The following NRM variants were observed in gnomAD, a reference collection of about 807,000 sequenced individuals.
The protein encoded by NRM is nurim, also known as nuclear rim protein.
Under a neutral mutation model 23.4 loss-of-function variants are expected in NRM, and 19 were observed. That is an observed-to-expected ratio of 0.81 (90% CI 0.57 to 1.19). The LOEUF is 1.19. Ranked by LOEUF, NRM falls within the 50% of genes most tolerant of loss-of-function variation. The pLI is 0.00. For missense variants in NRM, 232 were observed against 329.7 expected, an observed-to-expected ratio of 0.70 and a Z score of 2.30; for synonymous variants, 140 against 143.5, an observed-to-expected ratio of 0.98 and a Z score of 0.17.
chr6:30,690,955 A>G lies in NRM; in HGVS notation c.20T>C (p.Leu7Pro), dbSNP rs1198131967. Residue 7 changes from leucine (L) to proline (P), a missense_variant, in exon 1 of 4, where the codon CTG (leucine) becomes CCG (proline). Physicochemically the swap from Leu to Pro is moderately conservative, Grantham distance 98. Transcript: ENST00000376421. This position sits in a 1 kb window ranked among gnomAD's most constrained non-coding sequence, Gnocchi z 5.5. ...GAAAGAGGCGAGGGCAGCAGGGATCAGGAGCAGTGCAGGGGCCATGGCGAG... is the reference window on the plus strand; with the variant it reads ...GAAAGAGGCGAGGGCAGCAGGGATCGGGAGCAGTGCAGGGGCCATGGCGAG... MAPALL[L>P]IPAALASFIL... 1.4e-6 allele frequency: 2 copies of G among 1,405,770 alleles called. No homozygotes were observed. The highest frequency in any genetic ancestry group is 1.1e-5 in the South Asian group (1 of 88,340). 87.1% of individuals were successfully genotyped at this position (1,405,770 alleles called of 1,614,324 possible).
Position 30,690,307 on chromosome 6 carries a change from CT to C in NRM, c.134-65del. On this transcript the variant is annotated intron_variant, in intron 1 of 3. Transcript: ENST00000376421. The surrounding 1 kb of genome is among the most constrained non-coding windows in gnomAD (Gnocchi z 5.5). The stretch of plus-strand genomic sequence containing the variant: ...ACAGTGGCAGAATGTTTCCCCCACC[CT>C]CATCTCCTCTTGGATCCCCAGGCCA... The C allele has an allele frequency of 7.2e-7, 1 of 1,395,952 alleles. No individual in the cohort carries two copies. Among genetic ancestry groups the C allele is most frequent in the Non-Finnish European group, 9.7e-7 (1 of 1,032,848 alleles). 86.5% of individuals were successfully genotyped at this position (1,395,952 alleles called of 1,614,324 possible).
In NRM at chr6:30,688,958, G is replaced by A. The variant is rs776746860; in HGVS notation, c.508-16C>T. The A allele has an allele frequency of 2.5e-6, 4 of 1,604,674 alleles. 1 individual carries two copies. The highest frequency in any genetic ancestry group is 2.2e-5 in the South Asian group (2 of 90,650). On this transcript the variant is annotated splice_polypyrimidine_tract_variant and intron_variant, in intron 3 of 3. Coordinates refer to ENST00000376421, the MANE Select transcript of NRM (RefSeq NM_001384369.1). The surrounding 1 kb of genome is among the most constrained non-coding windows in gnomAD (Gnocchi z 5.9). ...GGTAGTATACCTAAGAGAGGGAGAAGAGCTTAGAAATGGAGTCAAGCCCTT... is the reference window on the plus strand; with the variant it reads ...GGTAGTATACCTAAGAGAGGGAGAAAAGCTTAGAAATGGAGTCAAGCCCTT...
chr6:30,690,552 A>G lies in NRM; in HGVS notation c.133+290T>C, dbSNP rs566912720. 5.6e-5 allele frequency: 86 copies of G among 1,535,390 alleles called. No homozygotes were observed. In the African/African-American group the frequency reaches 1.1e-3, roughly 19 times the overall value. On this transcript the variant is annotated intron_variant, in intron 1 of 3. Coordinates refer to ENST00000376421, the MANE Select transcript of NRM (RefSeq NM_001384369.1). The surrounding 1 kb of genome is among the most constrained non-coding windows in gnomAD (Gnocchi z 5.5). The stretch of plus-strand genomic sequence containing the variant: ...GGTTCTCCAAATGCTCCTTCTTTTT[A>G]ACACTCTCCTCTCAACAGTCCTCTC...
chr6:30,689,248 G>A lies in NRM; in HGVS notation c.507+28C>T, dbSNP rs1344743961. 1.9e-6 allele frequency: 3 copies of A among 1,545,326 alleles called. No individual in the cohort carries two copies. Among genetic ancestry groups the A allele is most frequent in the Non-Finnish European group, 1.8e-6 (2 of 1,142,812 alleles). On this transcript the variant is annotated intron_variant, in intron 3 of 3. Coordinates refer to ENST00000376421, the MANE Select transcript of NRM (RefSeq NM_001384369.1). This position sits in a 1 kb window ranked among gnomAD's most constrained non-coding sequence, Gnocchi z 4.7. ...CGAGGAGTTCTAAAATGGGTCAGAG[G>A]TCATAGGTAGGGATCTCGGAGCCTC...
chr6:30,688,817 A>G lies in NRM; in HGVS notation c.633T>C (p.Pro211=). Reference sequence around the variant, plus strand: ...GGAGGAGACGGTCCGTGCCCAGGGTAGGCACCACCCACAGCACTGTCAGCA... The same window carrying G: ...GGAGGAGACGGTCCGTGCCCAGGGTGGGCACCACCCACAGCACTGTCAGCA... ...VELLTVLWVV[P]TLGTDRLLLA... Residue 211 remains proline, a synonymous_variant, in exon 4 of 4, where the codon CCT becomes CCC. Coordinates refer to ENST00000376421, the MANE Select transcript of NRM (RefSeq NM_001384369.1). This position sits in a 1 kb window ranked among gnomAD's most constrained non-coding sequence, Gnocchi z 5.9. 6.2e-7 allele frequency: 1 copy of G among 1,613,938 alleles called. No homozygotes were observed. Among genetic ancestry groups the G allele is most frequent in the Non-Finnish European group, 8.5e-7 (1 of 1,179,972 alleles).
chr6:30,690,270 C>G lies in NRM; in HGVS notation c.134-27G>C, dbSNP rs1562044787. The G allele has an allele frequency of 1.1e-5, 17 of 1,549,236 alleles. No homozygotes were observed. The highest frequency in any genetic ancestry group is 1.5e-5 in the Non-Finnish European group (17 of 1,152,920). On this transcript the variant is annotated intron_variant, in intron 1 of 3. Coordinates refer to ENST00000376421, the MANE Select transcript of NRM (RefSeq NM_001384369.1). The surrounding 1 kb of genome is among the most constrained non-coding windows in gnomAD (Gnocchi z 5.5). Reference sequence around the variant, plus strand: ...TACAGGAAGTTGAGGGAAAAAGAGACAAAAGATCGAAACAGTGGCAGAATG... The same window carrying G: ...TACAGGAAGTTGAGGGAAAAAGAGAGAAAAGATCGAAACAGTGGCAGAATG...
rs141150662 is a variant in NRM, at chr6:30,690,605, G to T, written c.133+237C>A. On this transcript the variant is annotated intron_variant, in intron 1 of 3. Transcript: ENST00000376421. The surrounding 1 kb of genome is among the most constrained non-coding windows in gnomAD (Gnocchi z 5.5). Reference sequence around the variant, plus strand: ...CAAAACACTTTACTTAGAATACTCCGGTCACCGCCCTTTTCGGCTCCCTCA... The same window carrying T: ...CAAAACACTTTACTTAGAATACTCCTGTCACCGCCCTTTTCGGCTCCCTCA... The T allele has an allele frequency of 2.6e-6, 4 of 1,547,584 alleles. No individual in the cohort carries two copies. The highest frequency in any genetic ancestry group is 2.7e-5 in the African/African-American group (2 of 72,866).
chr6:30,688,982 T>C lies in NRM; in HGVS notation c.508-40A>G, dbSNP rs1196351987. On this transcript the variant is annotated intron_variant, in intron 3 of 3. Coordinates refer to ENST00000376421, the MANE Select transcript of NRM (RefSeq NM_001384369.1). The surrounding 1 kb of genome is among the most constrained non-coding windows in gnomAD (Gnocchi z 5.9). ...AGAGCTTAGAAATGGAGTCAAGCCC[T>C]TTTCTCATCTTGGGCACTTCTTTCC... 4 of 1,574,430 alleles carry C rather than the reference T, an allele frequency of 2.5e-6. No individual in the cohort carries two copies. In the Middle Eastern group the frequency reaches 6.9e-4, roughly 271 times the overall value.
At position 30,688,829 on chromosome 6, in the gene NRM, CA is replaced by C. The variant is rs1436648234; in HGVS notation, c.620del (p.Leu207ArgfsTer101). ...HPVCVELLTV[L>X]WVVPTLGTDR... is the part of the protein sequence containing the mutation. ...CCGTGCCCAGGGTAGGCACCACCCACAGCACTGTCAGCAGCTCCACACACAC... is the reference window on the plus strand; with the variant it reads ...CCGTGCCCAGGGTAGGCACCACCCACGCACTGTCAGCAGCTCCACACACAC... On this transcript the variant is annotated frameshift_variant, in exon 4 of 4. Coordinates refer to ENST00000376421, the MANE Select transcript of NRM (RefSeq NM_001384369.1). LOFTEE classifies it high-confidence loss of function. The surrounding 1 kb of genome is among the most constrained non-coding windows in gnomAD (Gnocchi z 5.9). The C allele has an allele frequency of 6.2e-7, 1 of 1,613,906 alleles. No individual in the cohort carries two copies. Among genetic ancestry groups the C allele is most frequent in the Non-Finnish European group, 8.5e-7 (1 of 1,180,002 alleles).
chr6:30,691,201 A>C (rs185409898), upstream of NRM: 4 of 527,032 alleles, frequency 7.6e-6, no homozygotes, highest in Admixed American at 3.3e-5. Flanking sequence ...GGAATGTTAG[A>C]ATCCCGAGAG....
chr6:30,690,675 T>C lies in NRM; in HGVS notation c.133+167A>G. Reference sequence around the variant, plus strand: ...TCCAAAACTCTAATCCTTGAGTTCCTAATTTAGAACTCAGGTCTCCCTCCC... The same window carrying C: ...TCCAAAACTCTAATCCTTGAGTTCCCAATTTAGAACTCAGGTCTCCCTCCC... On this transcript the variant is annotated intron_variant, in intron 1 of 3. Coordinates refer to ENST00000376421, the MANE Select transcript of NRM (RefSeq NM_001384369.1). This position sits in a 1 kb window ranked among gnomAD's most constrained non-coding sequence, Gnocchi z 5.5. The C allele has an allele frequency of 6.2e-7, 1 of 1,607,202 alleles. No individual in the cohort carries two copies. Among genetic ancestry groups the C allele is most frequent in the East Asian group, 2.3e-5 (1 of 44,418 alleles).
Position 30,690,753 on chromosome 6 carries a change from CT to C in NRM, c.133+88del, listed in dbSNP as rs1771541298. On this transcript the variant is annotated intron_variant, in intron 1 of 3. Transcript: ENST00000376421. The surrounding 1 kb of genome is among the most constrained non-coding windows in gnomAD (Gnocchi z 5.5). ...TCGAGTTCCCTCTCTTGGACTTCCC[CT>C]GTCATTTGTTTCCAAGCCCCGCCCT... is the stretch of plus-strand genomic sequence containing the variant. 1.9e-6 allele frequency: 3 copies of C among 1,611,514 alleles called. No homozygotes were observed. The highest frequency in any genetic ancestry group is 2.5e-6 in the Non-Finnish European group (3 of 1,179,318).
At position 30,690,032 on chromosome 6, in the gene NRM, G is replaced by T. The variant is rs1157126421; in HGVS notation, c.330+15C>A. On this transcript the variant is annotated intron_variant, in intron 2 of 3. Transcript: ENST00000376421. This position sits in a 1 kb window ranked among gnomAD's most constrained non-coding sequence, Gnocchi z 5.5. ...ACTGCCAGGATTTCATACCTGCAAG[G>T]CCAGGGCCTCATACCTGCAAGGCCA... 11 of 1,596,166 alleles carry T rather than the reference G, an allele frequency of 6.9e-6. No individual in the cohort carries two copies. The highest frequency in any genetic ancestry group is 1.1e-5 in the South Asian group (1 of 88,306).
Position 30,689,708 on chromosome 6 carries a change from G to A in NRM, c.331-256C>T, listed in dbSNP as rs112797927. 1.9e-3 allele frequency among the ~76,000 whole-genome samples: 294 copies of A among 152,302 alleles called. 1 individual carries two copies. The highest frequency in any genetic ancestry group is 3.5e-3 in the Non-Finnish European group (241 of 68,036). On this transcript the variant is annotated intron_variant, in intron 2 of 3. Transcript: ENST00000376421. The surrounding 1 kb of genome is among the most constrained non-coding windows in gnomAD (Gnocchi z 4.7). Reference sequence around the variant, plus strand: ...TGATAGCTACGCAAAGTAGTAGCCTGTGCCAACCACCCAGTGAAAAGACAG... The same window carrying A: ...TGATAGCTACGCAAAGTAGTAGCCTATGCCAACCACCCAGTGAAAAGACAG...
chr6:30,690,039 C>T lies in NRM; in HGVS notation c.330+8G>A, dbSNP rs574554956. 2 of 1,600,954 alleles carry T rather than the reference C, an allele frequency of 1.2e-6. No individual in the cohort carries two copies. The highest frequency in any genetic ancestry group is 1.1e-5 in the South Asian group (1 of 89,082). ...GGATTTCATACCTGCAAGGCCAGGG[C>T]CTCATACCTGCAAGGCCAGGGCAGT... On this transcript the variant is annotated splice_region_variant and intron_variant, in intron 2 of 3. Transcript: ENST00000376421. This position sits in a 1 kb window ranked among gnomAD's most constrained non-coding sequence, Gnocchi z 5.5.
chr6:30,691,003 G>A, upstream of NRM: 1 of 1,562,926 alleles, frequency 6.4e-7, no homozygotes, highest in Non-Finnish European at 8.7e-7. Flanking sequence ...GGGGAAAGGG[G>A]CGGGGTCGGG....
chr6:30,690,457 G>T lies in NRM; in HGVS notation c.134-214C>A. 1 of 1,275,406 alleles carries T rather than the reference G, an allele frequency of 7.8e-7. No homozygotes were observed. Among genetic ancestry groups the T allele is most frequent in the Non-Finnish European group, 1.1e-6 (1 of 937,032 alleles). 79.0% of individuals were successfully genotyped at this position (1,275,406 alleles called of 1,614,324 possible). A position where few individuals can be genotyped will look rare whatever the true frequency, so the allele number is the denominator to read the frequency against. On this transcript the variant is annotated intron_variant, in intron 1 of 3. Coordinates refer to ENST00000376421, the MANE Select transcript of NRM (RefSeq NM_001384369.1). The surrounding 1 kb of genome is among the most constrained non-coding windows in gnomAD (Gnocchi z 5.5). ...GCAAACCTGGGGAAGAGGATTTATA[G>T]AACACCACATGTTAGGCAGTTGCAA...
At position 30,690,687 on chromosome 6, in the gene NRM, C is replaced by G. The variant is rs1461238256; in HGVS notation, c.133+155G>C. 6.2e-7 allele frequency: 1 copy of G among 1,609,440 alleles called. No individual in the cohort carries two copies. Among genetic ancestry groups the G allele is most frequent in the Non-Finnish European group, 8.5e-7 (1 of 1,178,586 alleles). Reference sequence around the variant, plus strand: ...ATCCTTGAGTTCCTAATTTAGAACTCAGGTCTCCCTCCCCTGTAGCTTCTC... The same window carrying G: ...ATCCTTGAGTTCCTAATTTAGAACTGAGGTCTCCCTCCCCTGTAGCTTCTC... On this transcript the variant is annotated intron_variant, in intron 1 of 3. Coordinates refer to ENST00000376421, the MANE Select transcript of NRM (RefSeq NM_001384369.1). This position sits in a 1 kb window ranked among gnomAD's most constrained non-coding sequence, Gnocchi z 5.5.
Position 30,688,951 on chromosome 6 carries a change from G to A in NRM, c.508-9C>T. 6.2e-7 allele frequency: 1 copy of A among 1,606,548 alleles called. No homozygotes were observed. Among genetic ancestry groups the A allele is most frequent in the Non-Finnish European group, 8.5e-7 (1 of 1,176,196 alleles). Reference sequence around the variant, plus strand: ...AGCACATGGTAGTATACCTAAGAGAGGGAGAAGAGCTTAGAAATGGAGTCA... The same window carrying A: ...AGCACATGGTAGTATACCTAAGAGAAGGAGAAGAGCTTAGAAATGGAGTCA... On this transcript the variant is annotated splice_polypyrimidine_tract_variant and intron_variant, in intron 3 of 3. Coordinates refer to ENST00000376421, the MANE Select transcript of NRM (RefSeq NM_001384369.1). The surrounding 1 kb of genome is among the most constrained non-coding windows in gnomAD (Gnocchi z 5.9).
Sources: allele counts gnomAD v4.1 joint callset (sites outside exome capture counted in the v4.1 genomes callset), GRCh38; gene constraint gnomAD v4.1.1; non-coding constraint Gnocchi (gnomAD v3.1); transcripts MANE v1.5; gene names NCBI Gene and HGNC (gene_info 2026-07-23, HGNC 2026-07-21).